The following ARHGEF10 variants were observed in gnomAD, a reference collection of about 807,000 sequenced individuals.
ARHGEF10 encodes Rho guanine nucleotide exchange factor 10.
Under a neutral mutation model 147.4 loss-of-function variants are expected in ARHGEF10, and 140 were observed. That is an observed-to-expected ratio of 0.95 (90% CI 0.83 to 1.09). The LOEUF (loss-of-function observed/expected upper bound fraction) is 1.09. Ranked by LOEUF, ARHGEF10 falls within the 50% of genes least tolerant of loss-of-function variation. The probability of loss-of-function intolerance (pLI) is 0.00; values close to 1 mark genes in which losing one functional copy is unlikely to be tolerated. For missense variants in ARHGEF10, 2,222 were observed against 1,752.7 expected, an observed-to-expected ratio of 1.27 and a Z score of -4.78; for synonymous variants, 902 against 695.8, an observed-to-expected ratio of 1.30 and a Z score of -4.67.
chr8:1,957,200 G>T lies in ARHGEF10; in HGVS notation c.3972G>T (p.Gln1324His). ...GHRRVHRKARQPHQEELAPTV... is the reference protein window; with the variant it reads ...GHRRVHRKARHPHQEELAPTV... ...GCCGGGTGCACAGGAAGGCCCGGCAGCCCCACCAGGAAGAGCTGGCGCCGA... is the reference window on the plus strand; with the variant it reads ...GCCGGGTGCACAGGAAGGCCCGGCATCCCCACCAGGAAGAGCTGGCGCCGA... The change falls in exon 29 of 29, where the codon CAG (glutamine) becomes CAT (histidine). Residue 1324 changes from glutamine (Q) to histidine (H), a missense_variant. By Grantham distance (24) the Gln-to-His change is conservative (BLOSUM62 0). Transcript: ENST00000349830. 1.5e-5 allele frequency: 24 copies of T among 1,612,296 alleles called. No individual in the cohort carries two copies. The highest frequency in any genetic ancestry group is 2.0e-5 in the Non-Finnish European group (24 of 1,179,958).
Position 1,956,764 on chromosome 8 carries a change from C to T in ARHGEF10, c.3536C>T (p.Ser1179Phe), listed in dbSNP as rs1815600192. The T allele has an allele frequency of 6.2e-7, 1 of 1,613,838 alleles. No homozygotes were observed. The highest frequency in any genetic ancestry group is 8.5e-7 in the Non-Finnish European group (1 of 1,180,000). Residue 1179 changes from serine to phenylalanine, a missense_variant, in exon 29 of 29, where the codon TCC becomes TTC. Coordinates refer to ENST00000349830, the MANE Select transcript of ARHGEF10 (RefSeq NM_014629.4). ...IPKVTGRGMV[S>F]YHAHNSPVKF... ...CCCTTTTCAGGAAGAGGCATGGTCT[C>T]CTACCATGCACACAACAGTCCTGTC... is the stretch of plus-strand genomic sequence containing the variant.
At chr8:1,889,828 A>G (rs1296034662) in intron 11 of ARHGEF10, among the ~76,000 whole-genome samples, 3 of 129,324 alleles carry the variant, frequency 2.3e-5, no homozygotes, top group Non-Finnish European at 4.8e-5. Flanking sequence ...GTTTGTGAGA[A>G]GACACTAGGT....
chr8:1,836,478 G>T (rs546180337), intron 1 of ARHGEF10, among the ~76,000 whole-genome samples: 2 of 152,164 alleles, frequency 1.3e-5, no homozygotes, highest in African/African-American at 4.8e-5. Context: ...TGCCAGCCAC[G>T]TGGGCTGACG....
rs1420226817 is a variant in ARHGEF10 at position 1,905,130 on chromosome 8, GAACA to G, written c.1822-430_1822-427del. Among the ~76,000 whole-genome samples the G allele has an allele frequency of 2.6e-5, 4 of 152,162 alleles. No individual in the cohort carries two copies. In the East Asian group the frequency reaches 5.8e-4, roughly 22 times the overall value. On this transcript the variant is annotated intron_variant, in intron 16 of 28. Transcript: ENST00000349830. ...GGTAACAGAGCGAGGCTTGGTCTCA[GAACA>G]AACAAACAAAAAAGGTAGTGTGACT... is the stretch of plus-strand genomic sequence containing the variant.
Position 1,855,558 on chromosome 8 carries a change from C to CTTT in ARHGEF10, c.38-2391_38-2389dup, listed in dbSNP as rs545496176. Among the ~76,000 whole-genome samples the CTTT allele has an allele frequency of 2.8e-5, 4 of 144,908 alleles. No individual in the cohort carries two copies. In the East Asian group the frequency reaches 6.0e-4, roughly 22 times the overall value. On this transcript the variant is annotated intron_variant, in intron 2 of 28. Coordinates refer to ENST00000349830, the MANE Select transcript of ARHGEF10 (RefSeq NM_014629.4). Reference sequence around the variant, plus strand: ...CTTCACCCCAGGCTAATTTTTGTACCTTTTTTTTTTTTTAAGAGACGGGGT... The same window carrying CTTT: ...CTTCACCCCAGGCTAATTTTTGTACCTTTTTTTTTTTTTTTTAAGAGACGGGGT...
At chr8:1,893,997 C>A (rs7015796) in intron 12 of ARHGEF10, among the ~76,000 whole-genome samples, 109,343 of 151,732 alleles carry the variant, frequency 0.72, 40,491 homozygotes, top group East Asian at 0.97. Flanking sequence ...AACACAGTGA[C>A]TCTCCATCTC....
intron 26 of ARHGEF10, among the ~76,000 whole-genome samples, chr8:1,938,040 CA>C (rs1275456947): frequency 7.9e-5 from 12 of 152,172 alleles, no homozygotes; most frequent in Non-Finnish European, 4.4e-5. Context: ...CCCAACGTGG[CA>C]GGGGGCACCC....
At chr8:1,833,315 A>AGCAGAGGGAAG (rs139349459) in intron 1 of ARHGEF10, among the ~76,000 whole-genome samples, 62,421 of 122,236 alleles carry the variant, frequency 0.51, 14,492 homozygotes, top group Middle Eastern at 0.63. Flanking sequence ...CAGAGACAGA[A>AGCAGAGGGAAG]GCAGAGGGAG....
At chr8:1,839,864 GACTGTCTGGTGTGGAA>G (rs1177167933) in intron 1 of ARHGEF10, among the ~76,000 whole-genome samples, 2 of 130,544 alleles carry the variant, frequency 1.5e-5, no homozygotes, top group Admixed American at 7.6e-5. Flanking sequence ...CTGGTGTGGG[GACTGTCTGGTGTGGAA>G]ACTGTCTGGT....
At chr8:1,928,277 A>T in intron 23 of ARHGEF10, 150 bp from the exon 24 acceptor site, 3 of 745,896 alleles carry the variant, frequency 4.0e-6, no homozygotes, top group Non-Finnish European at 6.8e-6. Context: ...TCTGTGAGCA[A>T]TTGTTTAAGA....
In ARHGEF10 at chr8:1,833,355, G is replaced by C. The variant is rs1243903765; in HGVS notation, c.-48+9242G>C. On this transcript the variant is annotated intron_variant, in intron 1 of 28. Coordinates refer to ENST00000349830, the MANE Select transcript of ARHGEF10 (RefSeq NM_014629.4). ...AGACAGAGGCAGAGACAGAGGCAGA[G>C]AGAGACAGAGGCAGAGACAGAGGCA... 3.5e-3 allele frequency among the ~76,000 whole-genome samples: 170 copies of C among 48,082 alleles called. 2 individuals are homozygous for C. Among genetic ancestry groups the C allele is most frequent in the African/African-American group, 0.011 (125 of 10,882 alleles). 31.5% of individuals were successfully genotyped at this position (48,082 alleles called of 152,430 possible).
intron 2 of ARHGEF10, among the ~76,000 whole-genome samples, chr8:1,851,915 A>G (rs1805182729): frequency 2.0e-5 from 1 of 48,804 alleles, no homozygotes; most frequent in African/African-American, 4.3e-5. Flanking sequence ...CTCTGTCTCA[A>G]AAAAAAAAAA....
At position 1,864,445 on chromosome 8, in the gene ARHGEF10, A is replaced by G. The variant is rs774797840; in HGVS notation, c.545+9A>G. ...GAGGAGCCTCCAACCAGGTATCTGC[A>G]TCCGTCTTCCCACACCTGCTGAATT... On this transcript the variant is annotated intron_variant, in intron 5 of 28. Transcript: ENST00000349830. 1.9e-6 allele frequency: 3 copies of G among 1,613,212 alleles called. No individual in the cohort carries two copies. In the South Asian group the frequency reaches 3.3e-5, roughly 18 times the overall value.
rs568577613 is a variant in ARHGEF10, at chr8:1,843,515, C to G, written c.37+79C>G. 70 of 1,097,548 alleles carry G rather than the reference C, an allele frequency of 6.4e-5. 3 individuals carry two copies. The South Asian group carries it at 8.4e-4, about 13-fold the overall frequency. The allele number at this position is 1,097,548 out of a possible 1,614,324, so 68.0% of individuals were successfully genotyped here. ...CAAGGACGGGGTACTTCTGGAACCA[C>G]TGAATTGCTGGTCACTGGGGTATGG... On this transcript the variant is annotated intron_variant, in intron 2 of 28. Transcript: ENST00000349830.
At chr8:1,879,706 C>T (rs1808015696) in intron 8 of ARHGEF10, among the ~76,000 whole-genome samples, 1 of 152,042 alleles carries the variant, frequency 6.6e-6, no homozygotes, top group South Asian at 2.1e-4. Context: ...GCGCGCACCA[C>T]CCTACCTGGC....
chr8:1,950,351 G>A (rs1563331650), intron 27 of ARHGEF10, among the ~76,000 whole-genome samples: 1 of 152,204 alleles, frequency 6.6e-6, no homozygotes, highest in African/African-American at 2.4e-5. Context: ...CCTCGTGACT[G>A]TGGCCCTCAG....
At chr8:1,949,276 T>C (rs1173277634) in intron 27 of ARHGEF10, among the ~76,000 whole-genome samples, 1 of 152,174 alleles carries the variant, frequency 6.6e-6, no homozygotes, top group African/African-American at 2.4e-5. Context: ...GGCCCTGGCT[T>C]TTCTCCTTCT....
At chr8:1,854,907 AC>A in intron 2 of ARHGEF10, among the ~76,000 whole-genome samples, 1 of 152,042 alleles carries the variant, frequency 6.6e-6, no homozygotes, top group South Asian at 2.1e-4. Context: ...TCATACCTGT[AC>A]CTGGCACACG....
At chr8:1,946,051 G>A (rs941880064) in intron 27 of ARHGEF10, 5 of 368,254 alleles carry the variant, frequency 1.4e-5, no homozygotes, top group African/African-American at 4.1e-5. Context: ...TGGGAGGGCT[G>A]TTGGGGAGAG....
Sources: allele counts gnomAD v4.1 joint callset (sites outside exome capture counted in the v4.1 genomes callset), GRCh38; gene constraint gnomAD v4.1.1; transcripts MANE v1.5; gene names NCBI Gene and HGNC (gene_info 2026-07-23, HGNC 2026-07-21).